EBF1: variants seen among roughly 807,000 people sequenced by gnomAD.
The protein encoded by EBF1 is transcription factor COE1.
EBF1 carries 10 observed loss-of-function variants against 68.4 expected under a neutral mutation model. The observed-to-expected ratio is 0.15, with a 90% confidence interval of 0.09 to 0.25. EBF1 has a LOEUF of 0.25. Among genes scored for constraint, EBF1 ranks in the 10% least tolerant of loss-of-function variants. The probability of loss-of-function intolerance (pLI) is 1.00; values close to 1 mark genes in which losing one functional copy is unlikely to be tolerated. For missense variants in EBF1, 509 were observed against 794.4 expected (o/e 0.64, Z 4.32); for synonymous variants, 298 against 299.8 (o/e 0.99, Z 0.06).
intron 6 of EBF1, among the ~76,000 whole-genome samples, chr5:158,923,539 G>GTAGC (rs1808909093): frequency 6.6e-6 from 1 of 152,196 alleles, no homozygotes; most frequent in African/African-American, 2.4e-5. Context: ...TTGAAGCCAT[G>GTAGC]TAGCTCTGCT....
chr5:158,942,936 G>C (rs1813765363), intron 6 of EBF1, among the ~76,000 whole-genome samples: 1 of 115,718 alleles, frequency 8.6e-6, no homozygotes, highest in African/African-American at 3.1e-5. Context: ...GGAGAGGAGA[G>C]AAAGAGAAAA....
intron 6 of EBF1, among the ~76,000 whole-genome samples, chr5:159,007,081 T>C (rs1267010398): frequency 6.6e-6 from 1 of 152,208 alleles, no homozygotes; most frequent in Non-Finnish European, 1.5e-5. Flanking sequence ...TGTGTCCTCA[T>C]TGTGAGACAA....
intron 6 of EBF1, among the ~76,000 whole-genome samples, chr5:159,046,106 T>C (rs1394710044): frequency 6.6e-6 from 1 of 152,168 alleles, no homozygotes; most frequent in Non-Finnish European, 1.5e-5. Context: ...CCTCCAAGTC[T>C]AACTCAAATA....
chr5:158,777,647 CTA>C, intron 9 of EBF1, 108 bp from the exon 10 acceptor site: 1 of 1,183,950 alleles, frequency 8.4e-7, no homozygotes, highest in Non-Finnish European at 1.1e-6. Flanking sequence ...ATTAACCTGT[CTA>C]TGTTTAAATC....
At chr5:159,055,509 G>T (rs1774577365) in intron 6 of EBF1, among the ~76,000 whole-genome samples, 1 of 152,190 alleles carries the variant, frequency 6.6e-6, no homozygotes, top group Non-Finnish European at 1.5e-5. Flanking sequence ...ATATCAGAAT[G>T]AGCAATTTAA....
At chr5:159,074,905 T>A (rs75271187) in intron 5 of EBF1, among the ~76,000 whole-genome samples, 1 of 151,508 alleles carries the variant, frequency 6.6e-6, no homozygotes, top group Non-Finnish European at 1.5e-5. Context: ...AGTATCATGA[T>A]ATCTAAGAGA....
At chr5:158,951,639 T>C (rs1816020640) in intron 6 of EBF1, among the ~76,000 whole-genome samples, 1 of 152,172 alleles carries the variant, frequency 6.6e-6, no homozygotes. Context: ...AAATATATTC[T>C]CAACCACAAG....
chr5:158,960,482 A>G (rs574252477), intron 6 of EBF1, among the ~76,000 whole-genome samples: 21 of 152,360 alleles, frequency 1.4e-4, no homozygotes, highest in African/African-American at 4.3e-4. Flanking sequence ...AAAACTGGAA[A>G]TGATTAATAG....
intron 15 of EBF1, among the ~76,000 whole-genome samples, chr5:158,702,449 T>C (rs1168833093): frequency 2.0e-5 from 3 of 152,202 alleles, no homozygotes; most frequent in Non-Finnish European, 4.4e-5. Flanking sequence ...TGGATGATCA[T>C]GTTCTCTGAC....
intron 6 of EBF1, among the ~76,000 whole-genome samples, chr5:158,894,732 C>T (rs1033964291): frequency 1.3e-5 from 2 of 152,202 alleles, no homozygotes; most frequent in Non-Finnish European, 2.9e-5. Flanking sequence ...TCCAACGTCC[C>T]TGTGTTTCCA....
At chr5:159,080,097 G>A (rs1044625837) in intron 5 of EBF1, among the ~76,000 whole-genome samples, 1 of 151,828 alleles carries the variant, frequency 6.6e-6, no homozygotes, top group Admixed American at 6.6e-5. Context: ...CTTGGGAAAC[G>A]ACCTCTGAAG....
intron 6 of EBF1, among the ~76,000 whole-genome samples, chr5:158,955,408 G>A (rs576230485): frequency 2.0e-5 from 3 of 152,188 alleles, no homozygotes; most frequent in African/African-American, 4.8e-5. Context: ...AACAGCAGAC[G>A]CAGGATTCAA....
At chr5:158,987,388 C>A (rs1439555986) in intron 6 of EBF1, among the ~76,000 whole-genome samples, 1 of 152,214 alleles carries the variant, frequency 6.6e-6, no homozygotes, top group Non-Finnish European at 1.5e-5. Flanking sequence ...ATGTTAAGCC[C>A]TCTAGCCTTC....
At chr5:158,973,886 C>T (rs1186472364) in intron 6 of EBF1, among the ~76,000 whole-genome samples, 1 of 152,186 alleles carries the variant, frequency 6.6e-6, no homozygotes, top group Non-Finnish European at 1.5e-5. Context: ...GTTCTCACCA[C>T]CTCTCCCCAC....
At chr5:158,909,855 CGAACCAGGGAGGCAGAGGTT>C (rs949425360) in intron 6 of EBF1, among the ~76,000 whole-genome samples, 7 of 149,502 alleles carry the variant, frequency 4.7e-5, no homozygotes, top group African/African-American at 1.7e-4. Flanking sequence ...GAGAATCACT[CGAACCAGGGAGGCAGAGGTT>C]GAACCAGGGA....
intron 8 of EBF1, among the ~76,000 whole-genome samples, chr5:158,800,216 GA>G (rs1348271046): frequency 1.3e-5 from 2 of 152,026 alleles, no homozygotes; most frequent in South Asian, 2.1e-4. Flanking sequence ...GTTAGCAGGT[GA>G]AAAAAACAAT....
chr5:158,781,734 G>C (rs1287421236), intron 9 of EBF1, among the ~76,000 whole-genome samples: 2 of 151,944 alleles, frequency 1.3e-5, no homozygotes, highest in African/African-American at 4.8e-5. Flanking sequence ...GGCCCCACTG[G>C]CTCTTCTCTG....
At chr5:158,766,337 A>C (rs1772656424) in intron 10 of EBF1, among the ~76,000 whole-genome samples, 1 of 152,176 alleles carries the variant, frequency 6.6e-6, no homozygotes, top group Non-Finnish European at 1.5e-5. Context: ...TGGGAGAAAA[A>C]TGGCTCTGGC....
intron 6 of EBF1, among the ~76,000 whole-genome samples, chr5:158,883,820 A>T (rs1799444637): frequency 6.6e-6 from 1 of 152,178 alleles, no homozygotes; most frequent in South Asian, 2.1e-4. Flanking sequence ...TGAAGAACCA[A>T]GGAAGATACG....
Sources: allele counts gnomAD v4.1 joint callset (sites outside exome capture counted in the v4.1 genomes callset), GRCh38; gene constraint gnomAD v4.1.1; transcripts MANE v1.5; gene names NCBI Gene and HGNC (gene_info 2026-07-23, HGNC 2026-07-21).